Variants in PHTF2 observed in about 807,000 individuals in gnomAD.
The protein encoded by PHTF2 is protein PHTF2.
A neutral mutation model predicts 101.2 loss-of-function variants in PHTF2; 60 were observed. That is an observed-to-expected ratio of 0.59 (90% CI 0.48 to 0.73). PHTF2 has a LOEUF of 0.73. Ranked by LOEUF, PHTF2 falls within the 30% of genes least tolerant of loss-of-function variation. The pLI, the probability that PHTF2 is intolerant of heterozygous loss-of-function variation, is 0.00. For synonymous variants in PHTF2, 311 were observed against 307.3 expected (o/e 1.01, Z -0.13); for missense variants, 747 against 908.7 (o/e 0.82, Z 2.29).
intron 1 of PHTF2, among the ~76,000 whole-genome samples, chr7:77,799,527 C>A (rs764284082): frequency 1.3e-5 from 2 of 152,246 alleles, no homozygotes; most frequent in Non-Finnish European, 2.9e-5. Flanking sequence ...CTGATCCCAA[C>A]ACGGCGGAGT....
chr7:77,881,738 G>A (rs185639351), intron 3 of PHTF2, among the ~76,000 whole-genome samples: 1 of 152,152 alleles, frequency 6.6e-6, no homozygotes, highest in Non-Finnish European at 1.5e-5. Context: ...TGCAATCCCA[G>A]GTACTTAAGC....
At chr7:77,836,140 AAGAGGAAG>A (rs1795450288) in intron 1 of PHTF2, among the ~76,000 whole-genome samples, 1 of 150,614 alleles carries the variant, frequency 6.6e-6, no homozygotes, top group Non-Finnish European at 1.5e-5. Context: ...AAAAAAAAAG[AAGAGGAAG>A]AAGAAGAGAA....
chr7:77,895,055 C>A, intron 5 of PHTF2: 1 of 390,790 alleles, frequency 2.6e-6, no homozygotes, highest in South Asian at 2.0e-5. Flanking sequence ...TATATTTTGA[C>A]AAATGTACAC....
chr7:77,862,348 T>C (rs1342715816), intron 3 of PHTF2, among the ~76,000 whole-genome samples: 1 of 152,168 alleles, frequency 6.6e-6, no homozygotes, highest in African/African-American at 2.4e-5. Context: ...TAATAGAATG[T>C]TTTTGGTTTT....
intron 1 of PHTF2, among the ~76,000 whole-genome samples, chr7:77,820,528 GTGCGTGTGTGTGTGTT>G (rs1050200937): frequency 1.3e-5 from 2 of 151,812 alleles, no homozygotes; most frequent in African/African-American, 4.8e-5. Flanking sequence ...ATGTGTGTGT[GTGCGTGTGTGTGTGTT>G]TGTGTATACG....
intron 12 of PHTF2, among the ~76,000 whole-genome samples, chr7:77,930,115 G>A (rs556715351): frequency 1.4e-4 from 22 of 151,738 alleles, no homozygotes; most frequent in African/African-American, 4.4e-4. Context: ...CACCACACCC[G>A]GCTAATTTTT....
intron 5 of PHTF2, chr7:77,895,810 G>A (rs1011494799): frequency 3.4e-4 from 52 of 152,162 alleles, no homozygotes; most frequent in African/African-American, 1.2e-3. Context: ...TTTCTGAAGT[G>A]TGTCTCCCTT....
chr7:77,871,625 C>T (rs914276529), intron 3 of PHTF2, among the ~76,000 whole-genome samples: 3 of 152,106 alleles, frequency 2.0e-5, no homozygotes, highest in African/African-American at 7.2e-5. Flanking sequence ...AGAAACAGTA[C>T]CATATATTGG....
At chr7:77,848,472 C>T (rs1254600683) in intron 2 of PHTF2, among the ~76,000 whole-genome samples, 1 of 152,134 alleles carries the variant, frequency 6.6e-6, no homozygotes, top group Non-Finnish European at 1.5e-5. Flanking sequence ...ATGTGAAGCA[C>T]CTTTTCATAT....
intron 2 of PHTF2, among the ~76,000 whole-genome samples, chr7:77,849,368 A>G (rs983366878): frequency 8.8e-4 from 134 of 151,824 alleles, no homozygotes; most frequent in African/African-American, 3.1e-3. Context: ...TCTTGAACTG[A>G]CCTCAGGTGA....
At chr7:77,898,941 C>T (rs917508186) in intron 5 of PHTF2, among the ~76,000 whole-genome samples, 1 of 152,072 alleles carries the variant, frequency 6.6e-6, no homozygotes, top group Non-Finnish European at 1.5e-5. Context: ...GCTGGGATTA[C>T]AGGCGAGTGC....
chr7:77,835,001 G>A (rs898507414), intron 1 of PHTF2, among the ~76,000 whole-genome samples: 3 of 152,134 alleles, frequency 2.0e-5, no homozygotes, highest in Admixed American at 6.6e-5. Context: ...GGCCGGGTGC[G>A]GTGGCTCATG....
At chr7:77,803,697 G>C (rs1427621397) in intron 1 of PHTF2, among the ~76,000 whole-genome samples, 1 of 147,488 alleles carries the variant, frequency 6.8e-6, no homozygotes, top group Non-Finnish European at 1.5e-5. Context: ...GCGTGTGTGT[G>C]TGTGTGTGTG....
chr7:77,888,207 C>T (rs996879892), intron 3 of PHTF2, among the ~76,000 whole-genome samples: 12 of 152,158 alleles, frequency 7.9e-5, no homozygotes, highest in African/African-American at 2.4e-4. Context: ...TTCCTCCTCC[C>T]GGGTTCAAGT....
Position 77,929,425 on chromosome 7 carries a change from C to T in PHTF2, c.1338+98C>T. 4 of 631,250 alleles carry T rather than the reference C, an allele frequency of 6.3e-6. No individual in the cohort carries two copies. The South Asian group carries it at 9.0e-5, about 14-fold the overall frequency. The allele number at this position is 631,250 out of a possible 1,614,324, so 39.1% of individuals were successfully genotyped here. A position where few individuals can be genotyped will look rare whatever the true frequency, so the allele number is the denominator to read the frequency against. On this transcript the variant is annotated intron_variant, in intron 12 of 19. Transcript: ENST00000416283. ...GGTGAAGAAAAAGCTTACATTCAAG[C>T]TTATATTTCTATAATTTTTTTTCTT...
chr7:77,854,952 G>C, intron 3 of PHTF2: 1 of 608,536 alleles, frequency 1.6e-6, no homozygotes, highest in Non-Finnish European at 3.0e-6. Context: ...CCAGGAGCCT[G>C]CCTGGTGTTC....
At chr7:77,947,855 T>TTTTTTTTTTTTTTTTTTA (rs1806209604) in intron 16 of PHTF2, among the ~76,000 whole-genome samples, 1 of 142,652 alleles carries the variant, frequency 7.0e-6, no homozygotes, top group Admixed American at 7.1e-5. Context: ...TTTTTTTTTT[T>TTTTTTTTTTTTTTTTTTA]GAGACAGAGT....
At chr7:77,861,010 G>A (rs1797597934) in intron 3 of PHTF2, among the ~76,000 whole-genome samples, 1 of 151,966 alleles carries the variant, frequency 6.6e-6, no homozygotes, top group South Asian at 2.1e-4. Context: ...GGCCTTAATT[G>A]TTCTCTTAAA....
rs1424391761 is a variant in PHTF2 at position 77,876,678 on chromosome 7, C to T, written c.148-16930C>T. Among the ~76,000 whole-genome samples, 3 of 152,144 alleles carry T rather than the reference C, an allele frequency of 2.0e-5. No homozygotes were observed. The East Asian group carries it at 5.8e-4, about 29-fold the overall frequency. On this transcript the variant is annotated intron_variant, in intron 3 of 19. Coordinates refer to ENST00000416283, the Ensembl canonical transcript of PHTF2. ...GAGGGCAAAGAGGAAGGATCACTTG[C>T]GCCCAGGAGTTCAAGACCAGCCTGG...
Sources: allele counts gnomAD v4.1 joint callset (sites outside exome capture counted in the v4.1 genomes callset), GRCh38; gene constraint gnomAD v4.1.1; transcripts MANE v1.5; gene names NCBI Gene and HGNC (gene_info 2026-07-23, HGNC 2026-07-21).